Variants in NLGN4X observed in about 807,000 individuals in gnomAD.
NLGN4X encodes neuroligin 4 X-linked.
A neutral mutation model predicts 40.3 loss-of-function variants in NLGN4X; 3 were observed. The observed-to-expected ratio is 0.07, with a 90% CI of 0.03 to 0.19. The LOEUF is 0.19. Among genes scored for constraint, NLGN4X ranks in the 10% least tolerant of loss-of-function variants. NLGN4X has a pLI of 1.00. For missense variants in NLGN4X, 382 were observed against 708.3 expected (o/e 0.54, Z 5.23); for synonymous variants, 270 against 306.8 (o/e 0.88, Z 1.25).
At chrX:5,922,207 G>A (rs916351788) in intron 3 of NLGN4X, among the ~76,000 whole-genome samples, 6 of 111,273 alleles carry the variant, frequency 5.4e-5, no homozygotes, top group African/African-American at 2.0e-4. Flanking sequence ...TTTGCTTTGT[G>A]TGTCAGATTT....
At chrX:6,099,439 T>C (rs752522258) in intron 2 of NLGN4X, among the ~76,000 whole-genome samples, 32 of 112,548 alleles carry the variant, frequency 2.8e-4, no homozygotes, top group African/African-American at 8.7e-4. Flanking sequence ...AAAATTACTT[T>C]GTTCTTTCTT....
chrX:6,203,926 G>A (rs1283834796), intron 1 of NLGN4X, among the ~76,000 whole-genome samples: 1 of 112,588 alleles, frequency 8.9e-6, no homozygotes, highest in African/African-American at 3.2e-5. Context: ...ATTCTGTGCT[G>A]CCAAGGTCTG....
rs978833060 is a variant in NLGN4X at position 6,134,157 on chromosome X, A to G, written c.472+16838T>C. Among the ~76,000 whole-genome samples, 4 of 111,656 alleles carry G rather than the reference A, an allele frequency of 3.6e-5. No individual in the cohort carries two copies. In the East Asian group the frequency reaches 8.5e-4, roughly 24 times the overall value. On this transcript the variant is annotated intron_variant, in intron 2 of 5. Coordinates refer to ENST00000381095, the MANE Select transcript of NLGN4X (RefSeq NM_181332.3). ...GAGCACATCTGTCAATATTCTCTCT[A>G]GCTCGACTGATGACTGAAGGATGCT...
At chrX:5,911,686 C>T (rs193059376) in intron 3 of NLGN4X, among the ~76,000 whole-genome samples, 2 of 111,878 alleles carry the variant, frequency 1.8e-5, no homozygotes, top group Non-Finnish European at 3.8e-5. Flanking sequence ...TTCAGGTACA[C>T]AATGAATGCA....
chrX:5,912,154 A>C (rs774958334), intron 3 of NLGN4X, among the ~76,000 whole-genome samples: 7 of 111,380 alleles, frequency 6.3e-5, no homozygotes, highest in Non-Finnish European at 7.5e-5. Flanking sequence ...CAGGGGTTTG[A>C]TGTACAGGTT....
chrX:6,195,078 C>A (rs747278388), intron 1 of NLGN4X, among the ~76,000 whole-genome samples: 107 of 111,840 alleles, frequency 9.6e-4, no homozygotes, highest in Non-Finnish European at 1.8e-3. Context: ...TAGTGGTTTG[C>A]TGCACCTATC....
chrX:6,062,463 T>C (rs1405277086), intron 2 of NLGN4X, among the ~76,000 whole-genome samples: 1 of 111,422 alleles, frequency 9.0e-6, no homozygotes, highest in African/African-American at 3.3e-5. Context: ...ATCCTTCCAT[T>C]TGTTCTCCCT....
At chrX:6,071,524 A>G (rs1024184864) in intron 2 of NLGN4X, among the ~76,000 whole-genome samples, 9 of 112,020 alleles carry the variant, frequency 8.0e-5, no homozygotes, top group African/African-American at 2.6e-4. Flanking sequence ...ACTGAGAGTC[A>G]GCCAAGTTAC....
At chrX:6,187,322 CAA>C (rs74706267) in intron 1 of NLGN4X, among the ~76,000 whole-genome samples, 2,812 of 64,837 alleles carry the variant, frequency 0.043, 137 homozygotes, top group African/African-American at 0.14. Flanking sequence ...ACTAAAAATA[CAA>C]AAAAAAAAAA....
chrX:6,074,882 C>T (rs1921946), intron 2 of NLGN4X, among the ~76,000 whole-genome samples: 7 of 109,522 alleles, frequency 6.4e-5, no homozygotes, highest in Admixed American at 5.8e-4. Flanking sequence ...TTCAGTATGC[C>T]GAAGAAAGAA....
At chrX:6,205,373 CG>C (rs747164114) in intron 1 of NLGN4X, among the ~76,000 whole-genome samples, 26 of 112,390 alleles carry the variant, frequency 2.3e-4, no homozygotes, top group Non-Finnish European at 4.3e-4. Flanking sequence ...TGCCAGTCAA[CG>C]GGCACTCAGT....
chrX:6,104,836 T>G (rs770243848), intron 2 of NLGN4X, among the ~76,000 whole-genome samples: 1 of 110,956 alleles, frequency 9.0e-6, no homozygotes, highest in Non-Finnish European at 1.9e-5. Flanking sequence ...GGACAATGTA[T>G]ATGGAGTTAG....
intron 2 of NLGN4X, among the ~76,000 whole-genome samples, chrX:6,044,410 C>T (rs2037259352): frequency 9.0e-6 from 1 of 111,525 alleles, no homozygotes; most frequent in African/African-American, 3.3e-5. Context: ...TATTCTTTTC[C>T]CACCTTCTAA....
Position 6,058,374 on chromosome X carries a change from C to G in NLGN4X, c.473-28942G>C, listed in dbSNP as rs2037687462. Reference sequence around the variant, plus strand: ...TAATGGACATATTTCCCAAAATTTACTACAAATTGATCATTTAAAATTCCA... The same window carrying G: ...TAATGGACATATTTCCCAAAATTTAGTACAAATTGATCATTTAAAATTCCA... On this transcript the variant is annotated intron_variant, in intron 2 of 5. Transcript: ENST00000381095. Among the ~76,000 whole-genome samples the G allele has an allele frequency of 4.5e-5, 5 of 111,747 alleles. No individual in the cohort carries two copies. The South Asian group carries it at 1.8e-3, about 41-fold the overall frequency.
intron 2 of NLGN4X, among the ~76,000 whole-genome samples, chrX:6,070,802 G>A (rs2038042194): frequency 9.0e-6 from 1 of 111,483 alleles, no homozygotes; most frequent in Admixed American, 9.6e-5. Flanking sequence ...TTCACATGGT[G>A]GGAAGAGAGA....
chrX:6,212,243 T>TAA (rs746048703), intron 1 of NLGN4X, among the ~76,000 whole-genome samples: 207 of 95,545 alleles, frequency 2.2e-3, no homozygotes, highest in African/African-American at 7.7e-3. Flanking sequence ...AGACTCCATT[T>TAA]AAAAAAAAAA....
At chrX:6,022,404 A>G (rs935005999) in intron 3 of NLGN4X, among the ~76,000 whole-genome samples, 2 of 112,663 alleles carry the variant, frequency 1.8e-5, no homozygotes, top group African/African-American at 6.5e-5. Context: ...TTCATAAAGC[A>G]TTAAAGAAAA....
intron 4 of NLGN4X, among the ~76,000 whole-genome samples, chrX:5,904,504 GTCACTTCTTTCAAAACTACA>G (rs1366495935): frequency 2.7e-5 from 3 of 111,789 alleles, no homozygotes; most frequent in Non-Finnish European, 5.6e-5. Context: ...TATTTTTTAG[GTCACTTCTTTCAAAACTACA>G]TCCATTGGAA....
At chrX:5,915,008 C>G (rs777798692) in intron 3 of NLGN4X, among the ~76,000 whole-genome samples, 2 of 112,808 alleles carry the variant, frequency 1.8e-5, no homozygotes, top group East Asian at 5.6e-4. Context: ...GGGAGGGAAG[C>G]TGATGCACTG....
Sources: gnomAD v4.1 joint callset for allele counts (sites outside exome capture counted in the v4.1 genomes callset) on GRCh38, gnomAD v4.1.1 for gene constraint, MANE v1.5 for transcripts, NCBI Gene and HGNC (gene_info 2026-07-23, HGNC 2026-07-21) for gene names.